The following TBC1D31 variants were observed in gnomAD, a reference collection of about 807,000 sequenced individuals.
The protein encoded by TBC1D31 is WD repeat domain 67.
Under a neutral mutation model 132.9 loss-of-function variants are expected in TBC1D31, and 99 were observed. The observed-to-expected ratio is 0.74, with a 90% confidence interval of 0.63 to 0.88. The LOEUF is 0.88. Among genes scored for constraint, TBC1D31 ranks in the 40% least tolerant of loss-of-function variants. The pLI is 0.00. For missense variants in TBC1D31, 1,134 were observed against 1,256.6 expected, an observed-to-expected ratio of 0.90 and a Z score of 1.48; for synonymous variants, 385 against 419.4, an observed-to-expected ratio of 0.92 and a Z score of 1.00.
At chr8:123,137,039 C>T (rs1212480784) in intron 17 of TBC1D31, among the ~76,000 whole-genome samples, 1 of 152,104 alleles carries the variant, frequency 6.6e-6, no homozygotes, top group African/African-American at 2.4e-5. Flanking sequence ...AATTATGTCC[C>T]AGAAAACCAA....
In TBC1D31 at chr8:123,126,627, A is replaced by G. The variant is rs775391970; in HGVS notation, c.1824A>G (p.Val608=). Residue 608 remains valine, a synonymous_variant, in exon 13 of 22, where the codon GTA becomes GTG. Transcript: ENST00000287380. ...CTTCCTTCCTTCTGATGACTGTTGT[A>G]GCCTACAACATATGTTCTAGAACGC... is the stretch of plus-strand genomic sequence containing the variant. ...NHPSFLLMTV[V]AYNICSRTPL... is the part of the protein sequence containing the mutation. 3.0e-5 allele frequency: 48 copies of G among 1,614,060 alleles called. No homozygotes were observed. The Middle Eastern group carries it at 6.6e-4, about 22-fold the overall frequency.
chr8:123,157,275 G>C, the TBC1D31 span, among the ~76,000 whole-genome samples: 4 of 152,206 alleles, frequency 2.6e-5, no homozygotes, highest in Non-Finnish European at 5.9e-5. Flanking sequence ...TTATGAGACT[G>C]ACGCGCTACC....
At position 123,134,180 on chromosome 8, in the gene TBC1D31, G is replaced by C; in HGVS notation, c.2473G>C (p.Glu825Gln). The part of the protein sequence containing the change: ...RDLEMRQLEL[E>Q]SQKRLYEKNL... ...CCTAGAAATGAGACAGCTGGAACTCGAATCACAAAAGAGACTTTATGAGAA... is the reference window on the plus strand; with the variant it reads ...CCTAGAAATGAGACAGCTGGAACTCCAATCACAAAAGAGACTTTATGAGAA... Residue 825 changes from glutamate to glutamine, a missense_variant, in exon 17 of 22, where the codon GAA becomes CAA. By Grantham distance (29) the Glu-to-Gln change is conservative. Coordinates refer to ENST00000287380, the MANE Select transcript of TBC1D31 (RefSeq NM_145647.4). 1 of 1,613,882 alleles carries C rather than the reference G, an allele frequency of 6.2e-7. No individual in the cohort carries two copies. Among genetic ancestry groups the C allele is most frequent in the Non-Finnish European group, 8.5e-7 (1 of 1,179,854 alleles).
At chr8:123,147,521 C>T (rs1038499708) in intron 20 of TBC1D31, among the ~76,000 whole-genome samples, 5 of 152,102 alleles carry the variant, frequency 3.3e-5, no homozygotes, top group Admixed American at 2.6e-4. Flanking sequence ...GAGCTATCTA[C>T]GTAGAAATAG....
the TBC1D31 span, among the ~76,000 whole-genome samples, chr8:123,158,866 G>T: frequency 2.0e-5 from 3 of 152,102 alleles, no homozygotes; most frequent in African/African-American, 7.2e-5. Context: ...TGGAGGTGGG[G>T]CAGGCTGCCG....
intron 2 of TBC1D31, among the ~76,000 whole-genome samples, chr8:123,082,246 C>T (rs531522915): frequency 8.5e-5 from 13 of 152,226 alleles, no homozygotes; most frequent in Admixed American, 3.9e-4. Context: ...GTCATCACAA[C>T]AGCCCTGTAT....
chr8:123,084,071 A>C, intron 3 of TBC1D31, 91 bp from the exon 4 acceptor site: 1 of 1,104,854 alleles, frequency 9.1e-7, no homozygotes, highest in Non-Finnish European at 1.3e-6. Context: ...CTAACCACCC[A>C]TTGCATCAGT....
chr8:123,160,353 C>A, the TBC1D31 span, among the ~76,000 whole-genome samples: 1 of 151,672 alleles, frequency 6.6e-6, no homozygotes, highest in Non-Finnish European at 1.5e-5. Context: ...AATCTATAAG[C>A]TATTTAAATG....
At chr8:123,138,936 A>G (rs1438377598) in intron 17 of TBC1D31, among the ~76,000 whole-genome samples, 1 of 152,000 alleles carries the variant, frequency 6.6e-6, no homozygotes, top group Non-Finnish European at 1.5e-5. Context: ...CAGCCTCCCA[A>G]GTAGCTGGGA....
intron 4 of TBC1D31, among the ~76,000 whole-genome samples, chr8:123,088,278 T>G (rs1268421468): frequency 6.6e-6 from 1 of 152,170 alleles, no homozygotes; most frequent in Non-Finnish European, 1.5e-5. Flanking sequence ...ATTTTTGACT[T>G]TGCAGTTCAA....
intron 10 of TBC1D31, among the ~76,000 whole-genome samples, chr8:123,116,074 A>T (rs1818879640): frequency 6.6e-6 from 1 of 152,228 alleles, no homozygotes; most frequent in South Asian, 2.1e-4. Flanking sequence ...AAAAGCTATT[A>T]TAAAGCATTG....
chr8:123,157,245 T>C, the TBC1D31 span, among the ~76,000 whole-genome samples: 2 of 152,158 alleles, frequency 1.3e-5, no homozygotes, highest in Non-Finnish European at 2.9e-5. Flanking sequence ...CGTGTGAGGA[T>C]CGAACTCACG....
chr8:123,121,595 C>T (rs1296353024), intron 11 of TBC1D31, among the ~76,000 whole-genome samples: 1 of 152,110 alleles, frequency 6.6e-6, no homozygotes, highest in Non-Finnish European at 1.5e-5. Flanking sequence ...ACCACCTGCC[C>T]TGTGCTCTCG....
At chr8:123,087,479 G>A (rs763013691) in intron 4 of TBC1D31, among the ~76,000 whole-genome samples, 11 of 152,202 alleles carry the variant, frequency 7.2e-5, no homozygotes, top group Non-Finnish European at 1.6e-4. Flanking sequence ...GATAAAAGTT[G>A]TGCCAGCTTA....
chr8:123,094,340 G>T (rs1003172427), intron 5 of TBC1D31, among the ~76,000 whole-genome samples: 1 of 151,968 alleles, frequency 6.6e-6, no homozygotes, highest in Non-Finnish European at 1.5e-5. Context: ...GGGATTACAG[G>T]CATGAGCCAC....
At chr8:123,119,159 A>G (rs924084423) in intron 10 of TBC1D31, among the ~76,000 whole-genome samples, 1 of 152,242 alleles carries the variant, frequency 6.6e-6, no homozygotes, top group African/African-American at 2.4e-5. Flanking sequence ...ATATGCGGCC[A>G]AGAGTATGAA....
intron 1 of TBC1D31, among the ~76,000 whole-genome samples, chr8:123,074,450 A>G (rs1814273976): frequency 6.6e-6 from 1 of 152,162 alleles, no homozygotes; most frequent in Admixed American, 6.5e-5. Context: ...ACATTGAATA[A>G]AAAATTTTCT....
chr8:123,133,101 C>G (rs546027682), intron 16 of TBC1D31, among the ~76,000 whole-genome samples: 7 of 152,364 alleles, frequency 4.6e-5, no homozygotes, highest in Admixed American at 3.3e-4. Context: ...GGTTCAGACT[C>G]TAGCAGGAAA....
At chr8:123,129,258 G>A (rs2130805497) in intron 15 of TBC1D31, 40 bp downstream of exon 15, 1 of 1,343,080 alleles carries the variant, frequency 7.4e-7, no homozygotes, top group Non-Finnish European at 1.0e-6. Context: ...GGACATATAA[G>A]TTAGTTGAAT....
Sources: allele counts gnomAD v4.1 joint callset (sites outside exome capture counted in the v4.1 genomes callset), GRCh38; gene constraint gnomAD v4.1.1; transcripts MANE v1.5; gene names NCBI Gene and HGNC (gene_info 2026-07-23, HGNC 2026-07-21).